RPRD2: variants seen among roughly 807,000 people sequenced by gnomAD.
RPRD2 encodes the protein regulation of nuclear pre-mRNA domain-containing protein 2.
A neutral mutation model predicts 104.4 loss-of-function variants in RPRD2; 12 were observed. That is an observed-to-expected ratio of 0.11 (90% CI 0.07 to 0.19). RPRD2 has a LOEUF of 0.19. Ranked by LOEUF, RPRD2 falls within the 10% of genes least tolerant of loss-of-function variation. The pLI is 1.00. For synonymous variants in RPRD2, 714 were observed against 684.9 expected (o/e 1.04, Z -0.66); for missense variants, 1,543 against 1,790.1 (o/e 0.86, Z 2.49).
intron 1 of RPRD2, among the ~76,000 whole-genome samples, chr1:150,412,082 C>A (rs1663977371): frequency 6.6e-6 from 1 of 152,122 alleles, no homozygotes; most frequent in Admixed American, 6.6e-5. Flanking sequence ...GAAATCACAC[C>A]ACCGCACTCT....
At chr1:150,404,995 A>G (rs1663355552) in intron 1 of RPRD2, among the ~76,000 whole-genome samples, 1 of 152,206 alleles carries the variant, frequency 6.6e-6, no homozygotes, top group Admixed American at 6.5e-5. Flanking sequence ...CGGGTAGTTC[A>G]TGAAAATTTA....
chr1:150,415,225 G>T (rs946724871), intron 1 of RPRD2, among the ~76,000 whole-genome samples: 2 of 151,858 alleles, frequency 1.3e-5, no homozygotes, highest in Non-Finnish European at 2.9e-5. Context: ...CAGCTACTTC[G>T]GGAGGCTAAG....
At chr1:150,438,669 G>C (rs143355966) in intron 2 of RPRD2, among the ~76,000 whole-genome samples, 1 of 152,144 alleles carries the variant, frequency 6.6e-6, no homozygotes, top group East Asian at 1.9e-4. Context: ...TGTCATTAGG[G>C]AATTTTATCC....
intron 1 of RPRD2, among the ~76,000 whole-genome samples, chr1:150,389,427 G>T (rs1264890041): frequency 6.6e-6 from 1 of 152,016 alleles, no homozygotes; most frequent in African/African-American, 2.4e-5. Context: ...GTTTTTTTGT[G>T]GTTGTTTTTT....
chr1:150,455,566 A>G (rs1667471956), intron 7 of RPRD2, among the ~76,000 whole-genome samples: 1 of 151,776 alleles, frequency 6.6e-6, no homozygotes, highest in African/African-American at 2.4e-5. Flanking sequence ...GAGAAAGAAG[A>G]CATGACTACT....
At chr1:150,404,529 TG>T (rs1663312606) in intron 1 of RPRD2, among the ~76,000 whole-genome samples, 1 of 152,002 alleles carries the variant, frequency 6.6e-6, no homozygotes, top group African/African-American at 2.4e-5. Context: ...GGATTACAGG[TG>T]TGAGCCACCA....
chr1:150,385,928 A>G (rs1003060936), intron 1 of RPRD2, among the ~76,000 whole-genome samples: 5 of 152,072 alleles, frequency 3.3e-5, no homozygotes, highest in Admixed American at 2.6e-4. Flanking sequence ...GGTGGTGACA[A>G]GGGTAGAGGG....
intron 2 of RPRD2, among the ~76,000 whole-genome samples, chr1:150,433,415 T>TACAC (rs59986598): frequency 0.035 from 4,840 of 136,902 alleles, 134 homozygotes; most frequent in East Asian, 0.11. Context: ...ATACTATATA[T>TACAC]ACACACACAC....
chr1:150,424,851 A>G (rs1322417413), intron 2 of RPRD2, among the ~76,000 whole-genome samples: 2 of 152,054 alleles, frequency 1.3e-5, no homozygotes, highest in East Asian at 3.9e-4. Flanking sequence ...CTTCTGTTAA[A>G]GTTTCTTCCT....
chr1:150,438,682 T>G (rs587629799), intron 2 of RPRD2, among the ~76,000 whole-genome samples: 34 of 152,250 alleles, frequency 2.2e-4, no homozygotes, highest in African/African-American at 7.7e-4. Flanking sequence ...TTTTATCCTT[T>G]GAACATCCTA....
rs373198505 is a variant in RPRD2, at chr1:150,364,655, C to CCCGCCG, written c.-39_-34dup. 1.5e-3 allele frequency: 1,322 copies of CCCGCCG among 895,882 alleles called. 6 individuals are homozygous for CCCGCCG. The highest frequency in any genetic ancestry group is 8.2e-3 in the South Asian group (521 of 63,432). The allele number at this position is 895,882 out of a possible 1,614,324, so 55.5% of individuals were successfully genotyped here. On this transcript the variant is annotated 5_prime_UTR_variant, in exon 1 of 11. Coordinates refer to ENST00000369068, the MANE Select transcript of RPRD2 (RefSeq NM_015203.5). ...ACTCGCAGTGATTGTTTTGCCCGCT[C>CCCGCCG]CCGCCGCCGCCGCCGCCGCCGCCGC...
At chr1:150,446,786 C>T (rs1323174708) in intron 7 of RPRD2, among the ~76,000 whole-genome samples, 1 of 149,802 alleles carries the variant, frequency 6.7e-6, no homozygotes, top group African/African-American at 2.4e-5. Flanking sequence ...GATTAGTAAA[C>T]TTGTACAAGG....
chr1:150,450,391 G>A (rs1293207077), intron 7 of RPRD2, among the ~76,000 whole-genome samples: 1 of 151,670 alleles, frequency 6.6e-6, no homozygotes, highest in Admixed American at 6.6e-5. Flanking sequence ...TGGATCACGA[G>A]GTCAGGAGAT....
chr1:150,457,629 A>G (rs1437913950), intron 8 of RPRD2, 59 bp downstream of exon 8: 5 of 1,382,016 alleles, frequency 3.6e-6, no homozygotes, highest in East Asian at 2.3e-5. Flanking sequence ...CTTCTCAGCA[A>G]TGAATACATC....
At chr1:150,465,509 C>T (rs1278943402) in intron 10 of RPRD2, among the ~76,000 whole-genome samples, 2 of 151,970 alleles carry the variant, frequency 1.3e-5, no homozygotes, top group East Asian at 3.9e-4. Context: ...TAGTCTAATC[C>T]CTTACTTTTC....
chr1:150,410,283 T>C (rs115815732), intron 1 of RPRD2, among the ~76,000 whole-genome samples: 5,388 of 152,212 alleles, frequency 0.035, 112 homozygotes, highest in Non-Finnish European at 0.051. Context: ...TGGGAGGGAT[T>C]TAAGAAGTAG....
Position 150,470,908 on chromosome 1 carries a change from G to A in RPRD2, c.1960G>A (p.Val654Ile). ...AGTTACCATCTGCCAATCTTCAGAGGTCTCCAAGCCAAAGCTGGAGTCAGA... is the reference window on the plus strand; with the variant it reads ...AGTTACCATCTGCCAATCTTCAGAGATCTCCAAGCCAAAGCTGGAGTCAGA... ...TEVTICQSSE[V>I]SKPKLESEST... The change falls in exon 11 of 11, where the codon GTC becomes ATC. Residue 654 changes from valine (V) to isoleucine (I), a missense_variant. By Grantham distance (29) the Val-to-Ile change is conservative (BLOSUM62 3). Coordinates refer to ENST00000369068, the MANE Select transcript of RPRD2 (RefSeq NM_015203.5). The A allele has an allele frequency of 6.2e-7, 1 of 1,613,940 alleles. No individual in the cohort carries two copies. The highest frequency in any genetic ancestry group is 8.5e-7 in the Non-Finnish European group (1 of 1,179,894).
intron 1 of RPRD2, among the ~76,000 whole-genome samples, chr1:150,367,079 T>C (rs1228902706): frequency 6.6e-6 from 1 of 152,194 alleles, no homozygotes; most frequent in East Asian, 1.9e-4. Context: ...GAGGGCAGTG[T>C]GTCAGTTGAA....
At chr1:150,403,911 G>A (rs1663266276) in intron 1 of RPRD2, among the ~76,000 whole-genome samples, 1 of 152,154 alleles carries the variant, frequency 6.6e-6, no homozygotes, top group Non-Finnish European at 1.5e-5. Context: ...TGGGATTACA[G>A]GCATGAGCCA....
Sources: allele counts gnomAD v4.1 joint callset (sites outside exome capture counted in the v4.1 genomes callset), GRCh38; gene constraint gnomAD v4.1.1; transcripts MANE v1.5; gene names NCBI Gene and HGNC (gene_info 2026-07-23, HGNC 2026-07-21).